The following KIF26A variants were observed in gnomAD, a reference collection of about 807,000 sequenced individuals.
KIF26A encodes kinesin-like protein KIF26A.
A neutral mutation model predicts 126.0 loss-of-function variants in KIF26A; 74 were observed. The observed-to-expected ratio is 0.59, with a 90% CI of 0.49 to 0.71. The LOEUF is 0.71. Ranked by LOEUF, KIF26A falls within the 30% of genes least tolerant of loss-of-function variation. The probability of loss-of-function intolerance (pLI) is 0.00; values close to 1 mark genes in which losing one functional copy is unlikely to be tolerated. For missense variants in KIF26A, 2,984 were observed against 2,763.3 expected (o/e 1.08, Z -1.79); for synonymous variants, 1,445 against 1,232.7 (o/e 1.17, Z -3.61).
At position 104,139,162 on chromosome 14, in the gene KIF26A, C is replaced by T; in HGVS notation, c.162C>T (p.Ala54=). Residue 54 remains alanine, a synonymous_variant, in exon 2 of 15, where the codon GCC becomes GCT. Coordinates refer to ENST00000423312, the MANE Select transcript of KIF26A (RefSeq NM_015656.2). ...PCGSRPAPEG[A]GAGPEQGHSA... ...GCAGCCGCCCTGCTCCCGAAGGCGC[C>T]GGGGCCGGCCCAGAGCAGGGCCACT... The T allele has an allele frequency of 1.3e-6, 2 of 1,522,564 alleles. No individual in the cohort carries two copies. The highest frequency in any genetic ancestry group is 8.8e-7 in the Non-Finnish European group (1 of 1,135,562). 94.3% of individuals were successfully genotyped at this position (1,522,564 alleles called of 1,614,324 possible).
intron 2 of KIF26A, among the ~76,000 whole-genome samples, chr14:104,141,692 G>A (rs1204265566): frequency 1.3e-5 from 2 of 150,042 alleles, no homozygotes; most frequent in African/African-American, 5.1e-5. Flanking sequence ...GCCTGTCTCC[G>A]TTGTAGAGGG....
At position 104,157,890 on chromosome 14, in the gene KIF26A, G is replaced by T. The variant is rs780792834; in HGVS notation, c.871G>T (p.Gly291Cys). ...CTSALVTPTP[G>C]SVGGSTGPSA... ...GTCAGCCCTGGTCACCCCCACCCCG[G>T]GCTCGGTGGGGGGCTCCACAGGCCC... The change falls in exon 4 of 15, where the codon GGC becomes TGC. Residue 291 changes from glycine to cysteine, a missense_variant. Physicochemically the swap from Gly to Cys is radical, Grantham distance 159. Coordinates refer to ENST00000423312, the MANE Select transcript of KIF26A (RefSeq NM_015656.2). The T allele has an allele frequency of 1.3e-6, 2 of 1,573,508 alleles. No individual in the cohort carries two copies. The highest frequency in any genetic ancestry group is 1.7e-6 in the Non-Finnish European group (2 of 1,157,284).
chr14:104,171,623 C>T (rs2037957565), intron 5 of KIF26A, 100 bp from the exon 6 acceptor site: 1 of 1,033,564 alleles, frequency 9.7e-7, no homozygotes, highest in African/African-American at 1.6e-5. Context: ...AGTGTGAGGC[C>T]TGGCCCGCTG....
At chr14:104,139,001 C>G in intron 1 of KIF26A, 42 bp from the exon 2 acceptor site, 1 of 1,324,298 alleles carries the variant, frequency 7.6e-7, no homozygotes, top group South Asian at 2.1e-5. Context: ...ATCCGACGGA[C>G]GTCCCAGGCT....
chr14:104,177,209 A>G lies in KIF26A; in HGVS notation c.4421A>G (p.His1474Arg), dbSNP rs1466902329. ...KLGVPPSSPT[H>R]GPAPACRSGA... Reference sequence around the variant, plus strand: ...GGTGTGCCACCCTCCAGCCCCACACACGGTCCAGCTCCCGCCTGTAGGAGC... The same window carrying G: ...GGTGTGCCACCCTCCAGCCCCACACGCGGTCCAGCTCCCGCCTGTAGGAGC... The change falls in exon 12 of 15, where the codon CAC (histidine) becomes CGC (arginine). Residue 1474 changes from histidine to arginine, a missense_variant. Coordinates refer to ENST00000423312, the MANE Select transcript of KIF26A (RefSeq NM_015656.2). 1 of 1,594,296 alleles carries G rather than the reference A, an allele frequency of 6.3e-7. No individual in the cohort carries two copies. Among genetic ancestry groups the G allele is most frequent in the Non-Finnish European group, 8.5e-7 (1 of 1,175,810 alleles).
chr14:104,142,980 C>G (rs943689638), intron 2 of KIF26A, among the ~76,000 whole-genome samples: 3 of 152,240 alleles, frequency 2.0e-5, no homozygotes, highest in African/African-American at 7.2e-5. Context: ...GGATGGTTCC[C>G]TGCTTCAAGG....
At chr14:104,172,932 C>T (rs1395767538) in intron 7 of KIF26A, 45 bp from the exon 8 acceptor site, 1 of 1,526,500 alleles carries the variant, frequency 6.6e-7, no homozygotes, top group Admixed American at 2.0e-5. Flanking sequence ...CATAAAGGCT[C>T]CTTGCGTGGT....
intron 4 of KIF26A, 38 bp downstream of exon 4, chr14:104,157,980 G>A (rs950672214): frequency 2.7e-6 from 4 of 1,460,632 alleles, no homozygotes; most frequent in Non-Finnish European, 3.6e-6. Context: ...TTGTGGGCAG[G>A]GCCCCATGGC....
Position 104,177,164 on chromosome 14 carries a change from C to T in KIF26A, c.4376C>T (p.Pro1459Leu), listed in dbSNP as rs374000610. ...GGCCGGGAAGCCCCTGGGCGGCCTCCCCGGGCTGTACCCAAGCTGGGTGTG... is the reference window on the plus strand; with the variant it reads ...GGCCGGGAAGCCCCTGGGCGGCCTCTCCGGGCTGTACCCAAGCTGGGTGTG... ...SKGREAPGRP[P>L]RAVPKLGVPP... Residue 1459 changes from proline (P) to leucine (L), a missense_variant, in exon 12 of 15, where the codon CCC (proline) becomes CTC (leucine). Physicochemically the swap from Pro to Leu is moderately conservative, Grantham distance 98. Transcript: ENST00000423312. 1.3e-5 allele frequency: 20 copies of T among 1,597,504 alleles called. No individual in the cohort carries two copies. In the African/African-American group the frequency reaches 2.5e-4, roughly 20 times the overall value.
rs2037610930 is a variant in KIF26A at position 104,139,047 on chromosome 14, C to G, written c.47C>G (p.Ala16Gly). ...VPLCAAQPAV[A>G]EGGPAREPPP... ...TTCCGCCCCCACACCCTGCAGGTGG[C>G]CGAGGGCGGCCCGGCCCGCGAGCCG... is the stretch of plus-strand genomic sequence containing the variant. Residue 16 changes from alanine to glycine, a missense_variant, in exon 2 of 15, where the codon GCC becomes GGC. By Grantham distance (60) the Ala-to-Gly change is moderately conservative (BLOSUM62 0). Transcript: ENST00000423312. 2 of 1,366,356 alleles carry G rather than the reference C, an allele frequency of 1.5e-6. No homozygotes were observed. The highest frequency in any genetic ancestry group is 3.7e-5 in the South Asian group (2 of 53,746). 84.6% of individuals were successfully genotyped at this position (1,366,356 alleles called of 1,614,324 possible).
chr14:104,170,960 G>A (rs2037950919), intron 5 of KIF26A, among the ~76,000 whole-genome samples: 2 of 152,258 alleles, frequency 1.3e-5, no homozygotes, highest in African/African-American at 4.8e-5. Flanking sequence ...CACCAGGGCT[G>A]CCTGGTTCCC....
chr14:104,172,887 G>A, intron 7 of KIF26A, 90 bp from the exon 8 acceptor site: 6 of 1,435,736 alleles, frequency 4.2e-6, no homozygotes, highest in South Asian at 1.5e-5. Flanking sequence ...CTGAGATCTC[G>A]GTGCCCCTGG....
In KIF26A at chr14:104,179,191, G is replaced by C. The variant is rs928430117; in HGVS notation, c.5317-45G>C. ...CATCAGGGCTGCTTGGGGGTCTCTG[G>C]GGAGAGGGTCCCATGCCTGAGCCCC... On this transcript the variant is annotated intron_variant, in intron 13 of 14. Coordinates refer to ENST00000423312, the MANE Select transcript of KIF26A (RefSeq NM_015656.2). 2.1e-6 allele frequency: 3 copies of C among 1,421,046 alleles called. No individual in the cohort carries two copies. In the African/African-American group the frequency reaches 4.4e-5, roughly 21 times the overall value. The allele number at this position is 1,421,046 out of a possible 1,614,324, so 88.0% of individuals were successfully genotyped here.
chr14:104,144,042 G>T (rs904819488), intron 2 of KIF26A, among the ~76,000 whole-genome samples: 2 of 152,244 alleles, frequency 1.3e-5, no homozygotes, highest in Non-Finnish European at 2.9e-5. Flanking sequence ...GGTGGGCCCA[G>T]CCTCGCTGTG....
chr14:104,162,040 G>C (rs1720033784), intron 4 of KIF26A, among the ~76,000 whole-genome samples: 1 of 152,224 alleles, frequency 6.6e-6, no homozygotes, highest in Non-Finnish European at 1.5e-5. Context: ...ACCCAAGCGT[G>C]GTAGCCAGAT....
At chr14:104,140,027 G>C (rs2037622787) in intron 2 of KIF26A, among the ~76,000 whole-genome samples, 1 of 152,146 alleles carries the variant, frequency 6.6e-6, no homozygotes, top group Non-Finnish European at 1.5e-5. Context: ...CTGGGGGCGG[G>C]TGGGGGTCTC....
intron 13 of KIF26A, 112 bp downstream of exon 13, chr14:104,178,867 C>A: frequency 1.5e-6 from 1 of 650,068 alleles, no homozygotes; most frequent in Non-Finnish European, 2.6e-6. Flanking sequence ...GGCTGGGCAG[C>A]CCCTGACCTC....
At chr14:104,171,572 G>A in intron 5 of KIF26A, 151 bp from the exon 6 acceptor site, 1 of 660,772 alleles carries the variant, frequency 1.5e-6, no homozygotes, top group Non-Finnish European at 2.6e-6. Context: ...CTCTCGCCTG[G>A]AGCAGGGGCG....
In KIF26A at chr14:104,176,125, T is replaced by C; in HGVS notation, c.3337T>C (p.Trp1113Arg). ...GSSHGSSISS[W>R]LSEVSVCTAD... ...CAGTCACGGCTCCTCCATCAGCTCC[T>C]GGCTCAGCGAGGTCAGCGTCTGCAC... is the stretch of plus-strand genomic sequence containing the variant. Residue 1113 changes from tryptophan (W) to arginine (R), a missense_variant, in exon 12 of 15, where the codon TGG (tryptophan) becomes CGG (arginine). Coordinates refer to ENST00000423312, the MANE Select transcript of KIF26A (RefSeq NM_015656.2). The C allele has an allele frequency of 2.5e-6, 4 of 1,581,588 alleles. No homozygotes were observed. Among genetic ancestry groups the C allele is most frequent in the Non-Finnish European group, 3.4e-6 (4 of 1,164,774 alleles).
Sources: gnomAD v4.1 joint callset for allele counts (sites outside exome capture counted in the v4.1 genomes callset) on GRCh38, gnomAD v4.1.1 for gene constraint, MANE v1.5 for transcripts, NCBI Gene and HGNC (gene_info 2026-07-23, HGNC 2026-07-21) for gene names.